The following RPIA variants were observed in gnomAD, a reference collection of about 807,000 sequenced individuals.
The protein encoded by RPIA is ribose 5-phosphate isomerase A.
Under a neutral mutation model 37.8 loss-of-function variants are expected in RPIA, and 29 were observed. The ratio of observed to expected loss-of-function variants is 0.77; its 90% CI spans 0.57 to 1.05. The LOEUF (loss-of-function observed/expected upper bound fraction) is 1.05. Ranked by LOEUF, RPIA falls within the 50% of genes least tolerant of loss-of-function variation. The pLI, the probability that RPIA is intolerant of heterozygous loss-of-function variation, is 0.00. For synonymous variants in RPIA, 167 were observed against 157.0 expected (o/e 1.06, Z -0.48); for missense variants, 385 against 413.6 (o/e 0.93, Z 0.60).
Position 88,728,205 on chromosome 2 carries a change from G to GT in RPIA, c.403-1066dup, listed in dbSNP as rs560762550. Among the ~76,000 whole-genome samples the GT allele has an allele frequency of 2.5e-3, 376 of 152,216 alleles. 1 individual carries two copies. Among genetic ancestry groups the GT allele is most frequent in the African/African-American group, 8.5e-3 (355 of 41,544 alleles). Reference sequence around the variant, plus strand: ...AATAACATCAAATCTGGGGTTCAAAGTTTTTTTATTGTCTTATCCTTTAAA... The same window carrying GT: ...AATAACATCAAATCTGGGGTTCAAAGTTTTTTTTATTGTCTTATCCTTTAAA... On this transcript the variant is annotated intron_variant, in intron 3 of 8. Transcript: ENST00000283646.
chr2:88,717,325 C>T lies in RPIA; in HGVS notation c.403-11953C>T, dbSNP rs144985954. ...TCAGGAGGTCCTGACGATATGTGCC[C>T]AAGGTGGTCAGAGCACAGTTTGGTT... On this transcript the variant is annotated intron_variant, in intron 3 of 8. Transcript: ENST00000283646. Among the ~76,000 whole-genome samples the T allele has an allele frequency of 2.5e-3, 375 of 152,212 alleles. 1 individual carries two copies. Among genetic ancestry groups the T allele is most frequent in the African/African-American group, 8.5e-3 (353 of 41,516 alleles).
intron 8 of RPIA, among the ~76,000 whole-genome samples, chr2:88,744,143 G>C (rs1673414124): frequency 6.6e-6 from 1 of 152,082 alleles, no homozygotes; most frequent in Non-Finnish European, 1.5e-5. Context: ...GGCATTTAAG[G>C]CTATGAGCTT....
intron 8 of RPIA, among the ~76,000 whole-genome samples, chr2:88,738,585 CTGTGTG>C (rs201535585): frequency 6.6e-6 from 1 of 151,908 alleles, no homozygotes; most frequent in African/African-American, 2.4e-5. Context: ...CTGGGGAAAT[CTGTGTG>C]TGTGTGTAGA....
intron 8 of RPIA, among the ~76,000 whole-genome samples, chr2:88,740,357 A>T (rs913875694): frequency 6.6e-6 from 1 of 152,252 alleles, no homozygotes; most frequent in Non-Finnish European, 1.5e-5. Context: ...GAGGAAAATG[A>T]TAAAAGAGGC....
chr2:88,737,995 A>G lies in RPIA; in HGVS notation c.757A>G (p.Asn253Asp). Residue 253 changes from asparagine to aspartate, a missense_variant, in exon 8 of 9, where the codon AAT (asparagine) becomes GAT (aspartate). Physicochemically the swap from Asn to Asp is conservative, Grantham distance 23 (BLOSUM62 1). Around this residue, in one of 2 missense-constraint regions of RPIA, gnomAD observed 153 missense variants for 210.6 expected, o/e 0.73. Transcript: ENST00000283646. ...CTTCTAGGGTCCTGTGGTGACAGAT[A>G]ATGGGAATTTTATCTTGGACTGGAA... ...VNKAGPVVTD[N>D]GNFILDWKFD... 1 of 1,613,730 alleles carries G rather than the reference A, an allele frequency of 6.2e-7. No homozygotes were observed. The highest frequency in any genetic ancestry group is 8.5e-7 in the Non-Finnish European group (1 of 1,179,676).
At chr2:88,699,283 A>C (rs1573459774) in intron 2 of RPIA, among the ~76,000 whole-genome samples, 1 of 152,174 alleles carries the variant, frequency 6.6e-6, no homozygotes, top group Admixed American at 6.5e-5. Flanking sequence ...GTATCTGGAG[A>C]ATACTTTCAG....
chr2:88,724,009 T>C (rs751646748), intron 3 of RPIA, among the ~76,000 whole-genome samples: 18 of 152,184 alleles, frequency 1.2e-4, no homozygotes, highest in Admixed American at 2.0e-4. Context: ...CAATCAGATA[T>C]GCATTTATCA....
At chr2:88,727,210 G>A (rs1673210247) in intron 3 of RPIA, among the ~76,000 whole-genome samples, 1 of 152,220 alleles carries the variant, frequency 6.6e-6, no homozygotes, top group African/African-American at 2.4e-5. Context: ...AATCTCAGAA[G>A]TGTCATATCA....
chr2:88,702,281 A>T (rs1672841698), intron 3 of RPIA, among the ~76,000 whole-genome samples: 2 of 152,238 alleles, frequency 1.3e-5, no homozygotes, highest in Admixed American at 1.3e-4. Context: ...TGCAAGTAAG[A>T]TCTAAAACAG....
At chr2:88,737,045 G>A (rs1673323592) in intron 7 of RPIA, among the ~76,000 whole-genome samples, 1 of 152,104 alleles carries the variant, frequency 6.6e-6, no homozygotes. Flanking sequence ...AGTTTTTTAG[G>A]TTCCATGGTG....
chr2:88,728,481 G>C (rs1335994466), intron 3 of RPIA, among the ~76,000 whole-genome samples: 1 of 152,142 alleles, frequency 6.6e-6, no homozygotes, highest in Non-Finnish European at 1.5e-5. Flanking sequence ...GTGAAGGCTT[G>C]TCTTTACAAA....
At chr2:88,720,325 A>G (rs1406325365) in intron 3 of RPIA, among the ~76,000 whole-genome samples, 2 of 152,218 alleles carry the variant, frequency 1.3e-5, no homozygotes, top group Non-Finnish European at 2.9e-5. Context: ...CTGTTAGGCC[A>G]GTTACCAAAA....
intron 3 of RPIA, among the ~76,000 whole-genome samples, chr2:88,706,020 T>C (rs1290773960): frequency 6.6e-6 from 1 of 152,136 alleles, no homozygotes; most frequent in Non-Finnish European, 1.5e-5. Context: ...CATCTCATGC[T>C]GGTCAGAATG....
At position 88,692,951 on chromosome 2, in the gene RPIA, A is replaced by G. The variant is rs188434191; in HGVS notation, c.285+968A>G. On this transcript the variant is annotated intron_variant, in intron 1 of 8. Coordinates refer to ENST00000283646, the MANE Select transcript of RPIA (RefSeq NM_144563.3). ...TGGCTCAGCCAGTTCTGTAGAAGGGATGTTCCAGTGTGACCTTCTACTCTT... is the reference window on the plus strand; with the variant it reads ...TGGCTCAGCCAGTTCTGTAGAAGGGGTGTTCCAGTGTGACCTTCTACTCTT... 3.4e-3 allele frequency among the ~76,000 whole-genome samples: 510 copies of G among 152,236 alleles called. 3 individuals are homozygous for G. Among genetic ancestry groups the G allele is most frequent in the Middle Eastern group, 0.01 (3 of 294 alleles).
chr2:88,747,288 T>C (rs1407441183), intron 8 of RPIA, among the ~76,000 whole-genome samples: 1 of 152,100 alleles, frequency 6.6e-6, no homozygotes, highest in Non-Finnish European at 1.5e-5. Context: ...AAGGCCAGTT[T>C]CACTCCCGCC....
chr2:88,738,130 G>T lies in RPIA; in HGVS notation c.838+54G>T, dbSNP rs538894128. ...TACACACCCATGGCCTTCATAACTG[G>T]CCCCTACATCTGGCCACAGAAGGCA... On this transcript the variant is annotated intron_variant, in intron 8 of 8. Coordinates refer to ENST00000283646, the MANE Select transcript of RPIA (RefSeq NM_144563.3). The T allele has an allele frequency of 1.1e-5, 14 of 1,319,468 alleles. No homozygotes were observed. The African/African-American group carries it at 1.4e-4, about 14-fold the overall frequency. The allele number at this position is 1,319,468 out of a possible 1,614,324, so 81.7% of individuals were successfully genotyped here.
Position 88,734,088 on chromosome 2 carries a change from G to GT in RPIA, c.463-452dup, listed in dbSNP as rs11389436. 5.9e-3 allele frequency among the ~76,000 whole-genome samples: 841 copies of GT among 142,408 alleles called. 3 individuals are homozygous for GT. Among genetic ancestry groups the GT allele is most frequent in the Middle Eastern group, 0.018 (5 of 272 alleles). 93.4% of individuals were successfully genotyped at this position (142,408 alleles called of 152,430 possible). Reference sequence around the variant, plus strand: ...AGTTAGTACAGAGACTTCTGAATCAGTTTTTTTTTTTTGCATTTTTCCCAC... The same window carrying GT: ...AGTTAGTACAGAGACTTCTGAATCAGTTTTTTTTTTTTTGCATTTTTCCCAC... On this transcript the variant is annotated intron_variant, in intron 4 of 8. Coordinates refer to ENST00000283646, the MANE Select transcript of RPIA (RefSeq NM_144563.3).
At chr2:88,739,371 C>T (rs1673355878) in intron 8 of RPIA, among the ~76,000 whole-genome samples, 1 of 152,110 alleles carries the variant, frequency 6.6e-6, no homozygotes, top group Non-Finnish European at 1.5e-5. Context: ...GAGTTTCTTC[C>T]TATGTAGAAG....
At chr2:88,749,373 A>G (rs1350402146) in intron 8 of RPIA, among the ~76,000 whole-genome samples, 1 of 152,152 alleles carries the variant, frequency 6.6e-6, no homozygotes, top group Non-Finnish European at 1.5e-5. Flanking sequence ...ATCTTTTAAA[A>G]TGTTTATTGG....
Sources: allele counts gnomAD v4.1 joint callset (sites outside exome capture counted in the v4.1 genomes callset), GRCh38; gene constraint gnomAD v4.1.1; regional missense constraint gnomAD v4.1.1; transcripts MANE v1.5; gene names NCBI Gene and HGNC (gene_info 2026-07-23, HGNC 2026-07-21).